Variants in NUDT3 observed in about 807,000 individuals in gnomAD.
NUDT3 encodes nudix hydrolase 3.
NUDT3 carries 9 observed loss-of-function variants against 23.6 expected under a neutral mutation model. That is an observed-to-expected ratio of 0.38 (90% CI 0.23 to 0.66). The LOEUF is 0.66. NUDT3 is among the 30% of genes least tolerant of loss of function. NUDT3 has a pLI of 0.52. For synonymous variants in NUDT3, 86 were observed against 82.6 expected (o/e 1.04, Z -0.22); for missense variants, 172 against 218.5 (o/e 0.79, Z 1.34).
intron 2 of NUDT3, among the ~76,000 whole-genome samples, chr6:34,340,085 C>T (rs1042351667): frequency 2.0e-5 from 3 of 152,118 alleles, no homozygotes; most frequent in African/African-American, 4.8e-5. Flanking sequence ...AATAAAGAGA[C>T]CCATGAGGTG....
intron 1 of NUDT3, among the ~76,000 whole-genome samples, chr6:34,347,285 G>A (rs1254603314): frequency 6.6e-6 from 1 of 152,198 alleles, no homozygotes; most frequent in Non-Finnish European, 1.5e-5. Context: ...GTAACATCAT[G>A]AGCCAGGAAC....
chr6:34,292,567 T>C (rs1275224988), intron 4 of NUDT3, among the ~76,000 whole-genome samples: 1 of 151,834 alleles, frequency 6.6e-6, no homozygotes, highest in Non-Finnish European at 1.5e-5. Flanking sequence ...TTTGTAAAAG[T>C]TCATAAATTT....
intron 1 of NUDT3, among the ~76,000 whole-genome samples, chr6:34,382,661 C>G (rs985019141): frequency 3.3e-5 from 5 of 151,716 alleles, no homozygotes; most frequent in African/African-American, 1.2e-4. Flanking sequence ...ATAGCAAGAC[C>G]CTGTCTCTAC....
chr6:34,330,237 A>G (rs1390092563), intron 2 of NUDT3, among the ~76,000 whole-genome samples: 2 of 152,196 alleles, frequency 1.3e-5, no homozygotes, highest in African/African-American at 4.8e-5. Flanking sequence ...TGTCTTCCAC[A>G]ATGGTTAAAC....
chr6:34,346,455 A>C (rs1466377632), intron 1 of NUDT3, among the ~76,000 whole-genome samples: 2 of 152,190 alleles, frequency 1.3e-5, no homozygotes, highest in African/African-American at 2.4e-5. Flanking sequence ...CAAAAGAAAA[A>C]CCTTTACAGG....
chr6:34,353,803 G>A (rs2113745773), intron 1 of NUDT3, among the ~76,000 whole-genome samples: 1 of 151,896 alleles, frequency 6.6e-6, no homozygotes, highest in South Asian at 2.1e-4. Flanking sequence ...CCGGGTTCAG[G>A]CAATCCTCCC....
chr6:34,341,782 C>T, intron 2 of NUDT3, 80 bp downstream of exon 2: 2 of 1,277,134 alleles, frequency 1.6e-6, no homozygotes, highest in African/African-American at 2.9e-5. Flanking sequence ...TCAGTGAGTG[C>T]TGACATATTA....
intron 1 of NUDT3, among the ~76,000 whole-genome samples, chr6:34,346,334 TAAC>T (rs1186520158): frequency 6.6e-6 from 1 of 152,190 alleles, no homozygotes; most frequent in Non-Finnish European, 1.5e-5. Flanking sequence ...GTTGTATAAA[TAAC>T]AACACGTAGT....
At chr6:34,338,757 T>C (rs1241087807) in intron 2 of NUDT3, among the ~76,000 whole-genome samples, 1 of 152,158 alleles carries the variant, frequency 6.6e-6, no homozygotes, top group Admixed American at 6.6e-5. Context: ...GGGGGATGCT[T>C]TGCAAAGACA....
rs535711001 is a variant in NUDT3, at chr6:34,385,890, C to T, written c.99+6374G>A. Reference sequence around the variant, plus strand: ...GTAAAGAGGGGGTTTCACCATGTTGCCTAGGTTGGTCTCAAATTCCTGGGC... The same window carrying T: ...GTAAAGAGGGGGTTTCACCATGTTGTCTAGGTTGGTCTCAAATTCCTGGGC... On this transcript the variant is annotated intron_variant, in intron 1 of 4. Coordinates refer to ENST00000607016, the MANE Select transcript of NUDT3 (RefSeq NM_006703.4). Among the ~76,000 whole-genome samples, 17 of 152,164 alleles carry T rather than the reference C, an allele frequency of 1.1e-4. No individual in the cohort carries two copies. In the South Asian group the frequency reaches 3.5e-3, roughly 32 times the overall value.
intron 1 of NUDT3, among the ~76,000 whole-genome samples, chr6:34,372,675 A>G (rs1017466524): frequency 3.3e-5 from 5 of 152,134 alleles, no homozygotes; most frequent in African/African-American, 9.6e-5. Context: ...GTGGTGGTAC[A>G]TGCCTGTAAT....
At chr6:34,354,169 C>T (rs924236143) in intron 1 of NUDT3, among the ~76,000 whole-genome samples, 4 of 151,836 alleles carry the variant, frequency 2.6e-5, no homozygotes, top group East Asian at 2.0e-4. Context: ...CCGCCCGCCT[C>T]GGCTTCCCAA....
At chr6:34,386,672 A>G (rs1765112656) in intron 1 of NUDT3, among the ~76,000 whole-genome samples, 1 of 152,218 alleles carries the variant, frequency 6.6e-6, no homozygotes, top group African/African-American at 2.4e-5. Flanking sequence ...TCAGTCAACT[A>G]CAGACCACAT....
chr6:34,391,746 C>T (rs1765202886), intron 1 of NUDT3, among the ~76,000 whole-genome samples: 1 of 138,420 alleles, frequency 7.2e-6, no homozygotes, highest in South Asian at 2.2e-4. Flanking sequence ...TCCGAAGACA[C>T]CCCACCCCCA....
chr6:34,299,463 C>T (rs1365692667), intron 2 of NUDT3, among the ~76,000 whole-genome samples: 1 of 152,014 alleles, frequency 6.6e-6, no homozygotes, highest in Non-Finnish European at 1.5e-5. Flanking sequence ...CAGGGTCTCA[C>T]TCTGTCGCCC....
intron 1 of NUDT3, among the ~76,000 whole-genome samples, chr6:34,351,198 T>TAA (rs71000051): frequency 0.012 from 219 of 17,878 alleles, 51 homozygotes; most frequent in East Asian, 0.022. Context: ...CTCCCCTGCC[T>TAA]AAAAAAAAAA....
chr6:34,369,832 T>C lies in NUDT3; in HGVS notation c.99+22432A>G, dbSNP rs1348876108. 3.9e-5 allele frequency among the ~76,000 whole-genome samples: 6 copies of C among 152,160 alleles called. No homozygotes were observed. In the East Asian group the frequency reaches 9.6e-4, roughly 24 times the overall value. On this transcript the variant is annotated intron_variant, in intron 1 of 4. Transcript: ENST00000607016. ...TTGGCAATATTAGGCAGCTGGCTGGTAGAAACTCCAAGGACCCAGAGACCC... is the reference window on the plus strand; with the variant it reads ...TTGGCAATATTAGGCAGCTGGCTGGCAGAAACTCCAAGGACCCAGAGACCC...
chr6:34,299,060 C>G (rs571596925), intron 2 of NUDT3, among the ~76,000 whole-genome samples: 1 of 152,078 alleles, frequency 6.6e-6, no homozygotes, highest in South Asian at 2.1e-4. Context: ...CAGAGTCCAA[C>G]TTTCATCTCC....
At chr6:34,376,271 G>C (rs971407663) in intron 1 of NUDT3, among the ~76,000 whole-genome samples, 1 of 151,674 alleles carries the variant, frequency 6.6e-6, no homozygotes, top group African/African-American at 2.4e-5. Flanking sequence ...TCTTGAGACA[G>C]GGTCTCACTC....
Sources: allele counts gnomAD v4.1 joint callset (sites outside exome capture counted in the v4.1 genomes callset), GRCh38; gene constraint gnomAD v4.1.1; transcripts MANE v1.5; gene names NCBI Gene and HGNC (gene_info 2026-07-23, HGNC 2026-07-21).